TRIM46: variants seen among roughly 807,000 people sequenced by gnomAD.
TRIM46 encodes the protein tripartite motif containing 46.
In TRIM46, 17 loss-of-function variants were observed where a neutral mutation model predicts 69.7. The observed-to-expected ratio is 0.24, with a 90% confidence interval of 0.17 to 0.37. The LOEUF is 0.37. TRIM46 is among the 10% of genes least tolerant of loss of function. The pLI, the probability that TRIM46 is intolerant of heterozygous loss-of-function variation, is 1.00. For synonymous variants in TRIM46, 391 were observed against 429.0 expected (o/e 0.91, Z 1.09); for missense variants, 675 against 1,025.1 (o/e 0.66, Z 4.66).
rs750777111 is a variant in TRIM46, at chr1:155,179,921, G to A, written c.1575G>A (p.Thr525=). The change falls in exon 8 of 10, where the codon ACG becomes ACA. Residue 525 remains threonine (T), a synonymous_variant. Transcript: ENST00000334634. ...ACAGTGAAGATGTGCACCTGCACAC[G>A]CCCCCGGCACCTGGTGAGTGGGCAG... ...GEYSEDVHLH[T]PPAPVLHFFL... 1.3e-5 allele frequency: 20 copies of A among 1,577,060 alleles called. No individual in the cohort carries two copies. Among genetic ancestry groups the A allele is most frequent in the Admixed American group, 1.7e-5 (1 of 58,492 alleles).
rs747692561 is a variant in TRIM46 at position 155,175,857 on chromosome 1, C to T, written c.326-31C>T. 1.5e-5 allele frequency: 23 copies of T among 1,585,324 alleles called. No individual in the cohort carries two copies. Among genetic ancestry groups the T allele is most frequent in the Non-Finnish European group, 1.9e-5 (22 of 1,166,170 alleles). On this transcript the variant is annotated intron_variant, in intron 2 of 9. Transcript: ENST00000334634. This position sits in a 1 kb window ranked among gnomAD's most constrained non-coding sequence, Gnocchi z 4.2. The stretch of plus-strand genomic sequence containing the variant: ...CCCACACCCAGCCAGCTGTAACTCT[C>T]ATGTCCTCTACCTCCCTGGTTCACC...
chr1:155,174,110 C>A, intron 1 of TRIM46, 81 bp downstream of exon 1: 1 of 1,455,816 alleles, frequency 6.9e-7, no homozygotes, highest in South Asian at 1.2e-5. Context: ...AGGTGGGGAT[C>A]CAGGAAGATG....
intron 8 of TRIM46, chr1:155,180,442 A>C: frequency 2.4e-6 from 1 of 421,246 alleles, no homozygotes. Context: ...TAGGAATACA[A>C]AACTTAGCCA....
At position 155,184,013 on chromosome 1, in the gene TRIM46, G is replaced by C; in HGVS notation, c.2103G>C (p.Arg701=). The C allele has an allele frequency of 6.2e-7, 1 of 1,614,152 alleles. No homozygotes were observed. Among genetic ancestry groups the C allele is most frequent in the Non-Finnish European group, 8.5e-7 (1 of 1,180,024 alleles). ...LGICLDYERG[R]VSFLDAVSFR... is the part of the protein sequence containing the mutation. ...TCTGCCTGGACTATGAGCGGGGCCG[G>C]GTTTCCTTCCTGGATGCTGTTTCCT... is the stretch of plus-strand genomic sequence containing the variant. The change falls in exon 10 of 10, where the codon CGG becomes CGC. Residue 701 remains arginine, a synonymous_variant. Coordinates refer to ENST00000334634, the MANE Select transcript of TRIM46 (RefSeq NM_025058.5). The surrounding 1 kb of genome is among the most constrained non-coding windows in gnomAD (Gnocchi z 5.6).
At chr1:155,180,457 TG>T in intron 8 of TRIM46, 1 of 430,418 alleles carries the variant, frequency 2.3e-6, no homozygotes, top group Admixed American at 3.8e-5. Context: ...TAGCCAGGCG[TG>T]GTGGTGCGTG....
chr1:155,182,318 T>C (rs2147796370), intron 9 of TRIM46, 169 bp downstream of exon 9: 2 of 733,020 alleles, frequency 2.7e-6, no homozygotes, highest in South Asian at 3.7e-5. Context: ...AGGAGACGCA[T>C]GGGCTCAGCA....
Position 155,183,880 on chromosome 1 carries a change from G to C in TRIM46, c.1970G>C (p.Gly657Ala), listed in dbSNP as rs748856552. The change falls in exon 10 of 10, where the codon GGC (glycine) becomes GCC (alanine). Residue 657 changes from glycine to alanine, a missense_variant. Around this residue, in one of 5 missense-constraint regions of TRIM46, gnomAD observed 108 missense variants for 153.0 expected, o/e 0.71. Coordinates refer to ENST00000334634, the MANE Select transcript of TRIM46 (RefSeq NM_025058.5). ...ASPPFAFLTIGMGKILLGSGA... is the reference protein window; with the variant it reads ...ASPPFAFLTIAMGKILLGSGA... ...CCACCCTTCGCTTTCCTAACCATTG[G>C]CATGGGCAAGATCCTGCTGGGGTCG... 1 of 1,613,352 alleles carries C rather than the reference G, an allele frequency of 6.2e-7. No individual in the cohort carries two copies. Among genetic ancestry groups the C allele is most frequent in the Admixed American group, 1.7e-5 (1 of 60,022 alleles).
At chr1:155,177,336 G>A in intron 5 of TRIM46, 46 bp downstream of exon 5, 5 of 1,490,060 alleles carry the variant, frequency 3.4e-6, no homozygotes, top group Non-Finnish European at 4.7e-6. Flanking sequence ...CCTGGGAGTA[G>A]GGGCAGGAAG....
At chr1:155,179,608 G>C (rs376438576) in intron 7 of TRIM46, 24 bp from the exon 8 acceptor site, 1 of 1,566,534 alleles carries the variant, frequency 6.4e-7, no homozygotes, top group Non-Finnish European at 8.7e-7. Context: ...GGCCCTGACT[G>C]ACACCCGCTG....
In TRIM46 at chr1:155,174,977, G is replaced by T. The variant is rs1665519183; in HGVS notation, c.64-409G>T. 9 of 1,385,540 alleles carry T rather than the reference G, an allele frequency of 6.5e-6. No individual in the cohort carries two copies. The South Asian group carries it at 1.0e-4, about 16-fold the overall frequency. The allele number at this position is 1,385,540 out of a possible 1,614,324, so 85.8% of individuals were successfully genotyped here. A position where few individuals can be genotyped will look rare whatever the true frequency, so the allele number is the denominator to read the frequency against. On this transcript the variant is annotated intron_variant, in intron 1 of 9. Coordinates refer to ENST00000334634, the MANE Select transcript of TRIM46 (RefSeq NM_025058.5). The stretch of plus-strand genomic sequence containing the variant: ...TATCGGGAGGAATCACGGCATGGGG[G>T]TGCTGCTAGAGAAGGGAGTGGGGGT...
intron 7 of TRIM46, 136 bp downstream of exon 7, chr1:155,178,749 C>T (rs1665898097): frequency 2.1e-6 from 3 of 1,457,712 alleles, no homozygotes; most frequent in Non-Finnish European, 2.8e-6. Flanking sequence ...TCCCACCCAG[C>T]CCACCCTGCC....
At chr1:155,182,746 G>C (rs1666257708) in intron 9 of TRIM46, 1 of 151,776 alleles carries the variant, frequency 6.6e-6, no homozygotes, top group Non-Finnish European at 1.5e-5. Flanking sequence ...GTGAGGCTGA[G>C]GCAGGAGAAT....
At position 155,183,836 on chromosome 1, in the gene TRIM46, T is replaced by C. The variant is rs1317675519; in HGVS notation, c.1926T>C (p.Asp642=). The change falls in exon 10 of 10, where the codon GAT becomes GAC. Residue 642 remains aspartate (D), a synonymous_variant. Coordinates refer to ENST00000334634, the MANE Select transcript of TRIM46 (RefSeq NM_025058.5). The stretch of plus-strand genomic sequence containing the variant: ...GCGGGCACGACAGCGGTGCCGAGGA[T>C]GCCACAGTGGAGGCGTCGCCACCCT... The part of the protein sequence containing the change: ...PDSGHDSGAE[D]ATVEASPPFA... 1.2e-6 allele frequency: 2 copies of C among 1,609,890 alleles called. No individual in the cohort carries two copies. The highest frequency in any genetic ancestry group is 3.3e-5 in the Admixed American group (2 of 60,012).
chr1:155,178,152 C>T lies in TRIM46; in HGVS notation c.1060C>T (p.Arg354Trp), dbSNP rs372518420. The change falls in exon 6 of 10, where the codon CGG (arginine) becomes TGG (tryptophan). Residue 354 changes from arginine to tryptophan, a missense_variant. By Grantham distance (101) the Arg-to-Trp change is moderately radical (BLOSUM62 -3). Transcript: ENST00000334634. ...ARLSAQIQEH[R>W]SLLDGSGLVG... ...TCTCAGCGCCCAGATCCAGGAGCACCGGAGCCTGCTGGATGGCTCAGGTCT... is the reference window on the plus strand; with the variant it reads ...TCTCAGCGCCCAGATCCAGGAGCACTGGAGCCTGCTGGATGGCTCAGGTCT... 3.7e-6 allele frequency: 6 copies of T among 1,614,084 alleles called. No homozygotes were observed. The highest frequency in any genetic ancestry group is 2.2e-5 in the South Asian group (2 of 91,072).
rs201365356 is a variant in TRIM46 at position 155,175,925 on chromosome 1, G to A, written c.363G>A (p.Leu121=). The stretch of plus-strand genomic sequence containing the variant: ...ACCCTGGGAGGAAGCGAGGTGCTTT[G>A]CACCCCCAAGTGATCATGTTCCCGT... ...GTYPGRKRGA[L]HPQVIMFPCP... is the part of the protein sequence containing the mutation. The change falls in exon 3 of 10, where the codon TTG becomes TTA. Residue 121 remains leucine (L), a synonymous_variant. Transcript: ENST00000334634. This position sits in a 1 kb window ranked among gnomAD's most constrained non-coding sequence, Gnocchi z 4.2. 4 of 1,596,542 alleles carry A rather than the reference G, an allele frequency of 2.5e-6. No individual in the cohort carries two copies. The highest frequency in any genetic ancestry group is 2.6e-6 in the Non-Finnish European group (3 of 1,169,452).
chr1:155,174,066 G>T lies in TRIM46; in HGVS notation c.63+37G>T, dbSNP rs144263774. The T allele has an allele frequency of 3.2e-6, 5 of 1,550,040 alleles. No individual in the cohort carries two copies. The South Asian group carries it at 5.9e-5, about 18-fold the overall frequency. On this transcript the variant is annotated intron_variant, in intron 1 of 9. Transcript: ENST00000334634. The stretch of plus-strand genomic sequence containing the variant: ...TGGGGTCGAGGGAAGGGGAGGGGGC[G>T]TATAGGGTTCTGGGGCAAGCTGGGA...
chr1:155,177,334 T>G, intron 5 of TRIM46, 44 bp downstream of exon 5: 1 of 1,524,426 alleles, frequency 6.6e-7, no homozygotes, highest in African/African-American at 1.4e-5. Flanking sequence ...TGCCTGGGAG[T>G]AGGGGCAGGA....
At position 155,180,177 on chromosome 1, in the gene TRIM46, A is replaced by G. The variant is rs972733256; in HGVS notation, c.1588+243A>G. On this transcript the variant is annotated intron_variant, in intron 8 of 9. Transcript: ENST00000334634. ...AGAGTCCTTTTCTGTAGGGATAACG[A>G]TAATACTGGCCAGGTGCAGCGGCTC... 1.2e-4 allele frequency among the ~76,000 whole-genome samples: 19 copies of G among 152,220 alleles called. No homozygotes were observed. The highest frequency in any genetic ancestry group is 2.4e-4 in the Non-Finnish European group (16 of 68,046).
rs190358369 is a variant in TRIM46, at chr1:155,181,163, C to T, written c.1589-689C>T. Among the ~76,000 whole-genome samples, 913 of 152,306 alleles carry T rather than the reference C, an allele frequency of 6.0e-3. 5 individuals are homozygous for T. The highest frequency in any genetic ancestry group is 0.021 in the African/African-American group (891 of 41,558). ...GCTGAGGCAGGAGAATGGCTTGAAC[C>T]TGGGAGGCAGGGGTTGCAGTGAGCC... On this transcript the variant is annotated intron_variant, in intron 8 of 9. Transcript: ENST00000334634. The surrounding 1 kb of genome is among the most constrained non-coding windows in gnomAD (Gnocchi z 4.3).
Sources: allele counts gnomAD v4.1 joint callset (sites outside exome capture counted in the v4.1 genomes callset), GRCh38; gene constraint gnomAD v4.1.1; regional missense constraint gnomAD v4.1.1; non-coding constraint Gnocchi (gnomAD v3.1); transcripts MANE v1.5; gene names NCBI Gene and HGNC (gene_info 2026-07-23, HGNC 2026-07-21).